Variants in TVP23C observed in about 807,000 individuals in gnomAD.
TVP23C encodes the protein trans-golgi network vesicle protein 23 homolog C.
TVP23C carries 19 observed loss-of-function variants against 28.7 expected under a neutral mutation model. That is an observed-to-expected ratio of 0.66 (90% CI 0.46 to 0.97). The LOEUF (loss-of-function observed/expected upper bound fraction) is 0.97, where lower values mean the gene tolerates loss of function less well. Among genes scored for constraint, TVP23C ranks in the 50% least tolerant of loss-of-function variants. The pLI, the probability that TVP23C is intolerant of heterozygous loss-of-function variation, is 0.00. For missense variants in TVP23C, 186 were observed against 241.3 expected, an observed-to-expected ratio of 0.77 and a Z score of 1.52; for synonymous variants, 68 against 81.7, an observed-to-expected ratio of 0.83 and a Z score of 0.90.
At chr17:15,519,481 T>TACAC (rs3031137) in intron 5 of TVP23C, among the ~76,000 whole-genome samples, 1,525 of 142,922 alleles carry the variant, frequency 0.011, 20 homozygotes, top group African/African-American at 0.033. Context: ...CAAATAAATA[T>TACAC]ACACACACAC....
At chr17:15,561,630 G>GAATAAATAAATA (rs374284414) in intron 1 of TVP23C, among the ~76,000 whole-genome samples, 190 of 131,650 alleles carry the variant, frequency 1.4e-3, no homozygotes, top group African/African-American at 5.1e-3. Flanking sequence ...ATGAATGAAT[G>GAATAAATAAATA]AATAAATAAA....
chr17:15,509,515 A>C (rs8071393), intron 5 of TVP23C, among the ~76,000 whole-genome samples: 3,268 of 152,334 alleles, frequency 0.021, 123 homozygotes, highest in African/African-American at 0.072. Flanking sequence ...GTCTTTGCTT[A>C]TACAGATCCC....
intron 5 of TVP23C, among the ~76,000 whole-genome samples, chr17:15,527,916 G>C (rs570757949): frequency 6.6e-6 from 1 of 152,364 alleles, no homozygotes; most frequent in South Asian, 2.1e-4. Context: ...TAGGTGTAAA[G>C]TGATGTATAT....
At chr17:15,545,959 T>C (rs1180182157) in intron 4 of TVP23C, 43 bp from the exon 5 acceptor site, 1 of 1,588,722 alleles carries the variant, frequency 6.3e-7, no homozygotes, top group South Asian at 1.1e-5. Flanking sequence ...GTGAAATTTA[T>C]CAATAAAAAG....
intron 1 of TVP23C, chr17:15,562,421 G>A (rs1984440417): frequency 6.6e-6 from 1 of 152,242 alleles, no homozygotes. Flanking sequence ...GTTTCACCAA[G>A]TTGGCCAGGA....
chr17:15,527,866 A>G (rs1982791489), intron 5 of TVP23C, among the ~76,000 whole-genome samples: 2 of 152,252 alleles, frequency 1.3e-5, no homozygotes, highest in Admixed American at 1.3e-4. Context: ...AGAAAAAACA[A>G]TGCTCGAATG....
At chr17:15,502,738 C>CCT in exon 6 of TVP23C, 1 of 995,970 alleles carries the variant, frequency 1.0e-6, no homozygotes, top group Non-Finnish European at 1.3e-6. Context: ...CTCTTTCTCT[C>CCT]TCCTCTCTCC....
intron 1 of TVP23C, chr17:15,562,108 C>T (rs1217608381): frequency 6.6e-6 from 1 of 152,238 alleles, no homozygotes; most frequent in Non-Finnish European, 1.5e-5. Flanking sequence ...AAATGGGCCA[C>T]CAGCAGCCCT....
chr17:15,549,614 A>T (rs1350414245), intron 3 of TVP23C, among the ~76,000 whole-genome samples: 2 of 151,850 alleles, frequency 1.3e-5, no homozygotes, highest in Non-Finnish European at 2.9e-5. Flanking sequence ...CGGGAGGCAG[A>T]GGTTGCAGTG....
chr17:15,542,801 C>T (rs1180416410), intron 5 of TVP23C, among the ~76,000 whole-genome samples: 4 of 152,168 alleles, frequency 2.6e-5, no homozygotes, highest in Non-Finnish European at 4.4e-5. Context: ...CTGTAGGCTG[C>T]AATTTTGTGA....
intron 3 of TVP23C, among the ~76,000 whole-genome samples, chr17:15,551,807 A>AT (rs1262734746): frequency 6.6e-6 from 1 of 152,038 alleles, no homozygotes; most frequent in Non-Finnish European, 1.5e-5. Context: ...ATGAAGATTG[A>AT]TTTTTTGTTT....
chr17:15,558,018 C>T lies in TVP23C; in HGVS notation c.13-2654G>A, dbSNP rs1023670248. 9.4e-5 allele frequency among the ~76,000 whole-genome samples: 14 copies of T among 149,230 alleles called. 1 individual carries two copies. The highest frequency in any genetic ancestry group is 3.2e-4 in the African/African-American group (13 of 41,186). ...TGAAACTAGTGGTTCTCAACCTTGG[C>T]TACAATTAGAATGCTCTTTTTCTTA... On this transcript the variant is annotated intron_variant, in intron 1 of 5. Coordinates refer to ENST00000518321, the MANE Select transcript of TVP23C (RefSeq NM_001135036.2).
At chr17:15,521,436 G>A (rs1338344365) in intron 5 of TVP23C, among the ~76,000 whole-genome samples, 8 of 152,214 alleles carry the variant, frequency 5.3e-5, no homozygotes, top group South Asian at 2.1e-4. Flanking sequence ...CCCAGGAGGC[G>A]GAGCTTGCAG....
intron 1 of TVP23C, among the ~76,000 whole-genome samples, chr17:15,557,421 T>C (rs1018231797): frequency 4.1e-5 from 6 of 146,738 alleles, no homozygotes; most frequent in African/African-American, 1.5e-4. Flanking sequence ...GCCTCCTGAG[T>C]AACTGGGATT....
At chr17:15,503,816 A>T (rs1981599070) in intron 5 of TVP23C, among the ~76,000 whole-genome samples, 1 of 152,152 alleles carries the variant, frequency 6.6e-6, no homozygotes, top group Non-Finnish European at 1.5e-5. Flanking sequence ...CATGCAGGCC[A>T]CCGAAGTTCT....
chr17:15,518,075 G>A (rs886442848), intron 5 of TVP23C, among the ~76,000 whole-genome samples: 1 of 151,244 alleles, frequency 6.6e-6, no homozygotes, highest in Non-Finnish European at 1.5e-5. Context: ...GGCTGAAGCA[G>A]GAGAATCACT....
intron 5 of TVP23C, among the ~76,000 whole-genome samples, chr17:15,513,688 G>C (rs985769685): frequency 2.0e-5 from 3 of 152,156 alleles, no homozygotes; most frequent in Non-Finnish European, 4.4e-5. Context: ...TCCACCAAAT[G>C]CTTAGCTCTT....
intron 1 of TVP23C, among the ~76,000 whole-genome samples, chr17:15,561,630 G>GAATGAATAAATAAATAAATA (rs1350335513): frequency 7.6e-6 from 1 of 131,604 alleles, no homozygotes; most frequent in African/African-American, 2.9e-5. Context: ...ATGAATGAAT[G>GAATGAATAAATAAATAAATA]AATAAATAAA....
exon 6 of TVP23C, chr17:15,503,229 G>T: frequency 2.7e-6 from 4 of 1,492,482 alleles, no homozygotes; most frequent in Non-Finnish European, 3.5e-6. Context: ...TGGCGAGACC[G>T]TCTCTACAAA....
Sources: gnomAD v4.1 joint callset for allele counts (sites outside exome capture counted in the v4.1 genomes callset) on GRCh38, gnomAD v4.1.1 for gene constraint, MANE v1.5 for transcripts, NCBI Gene and HGNC (gene_info 2026-07-23, HGNC 2026-07-21) for gene names.